HERC3: variants seen among roughly 807,000 people sequenced by gnomAD.
HERC3 encodes probable E3 ubiquitin-protein ligase HERC3.
In HERC3, 58 loss-of-function variants were observed where a neutral mutation model predicts 129.9. The observed-to-expected ratio is 0.45, with a 90% CI of 0.36 to 0.56. The LOEUF (loss-of-function observed/expected upper bound fraction) is 0.56, where lower values mean the gene tolerates loss of function less well. Ranked by LOEUF, HERC3 falls within the 20% of genes least tolerant of loss-of-function variation. The probability of loss-of-function intolerance (pLI) is 0.00; values close to 1 mark genes in which losing one functional copy is unlikely to be tolerated. For missense variants in HERC3, 835 were observed against 1,244.2 expected (o/e 0.67, Z 4.95); for synonymous variants, 430 against 451.0 (o/e 0.95, Z 0.59).
the HERC3 span, among the ~76,000 whole-genome samples, chr4:88,556,124 T>G: frequency 1.7e-4 from 26 of 152,310 alleles, no homozygotes; most frequent in Middle Eastern, 3.4e-3. Context: ...ACATGATACA[T>G]AAAATCATCC....
intron 3 of HERC3, among the ~76,000 whole-genome samples, chr4:88,612,399 C>T (rs1309956393): frequency 6.6e-6 from 1 of 151,750 alleles, no homozygotes; most frequent in East Asian, 1.9e-4. Flanking sequence ...GATATTTTCC[C>T]AGTGTGTCAG....
At chr4:88,545,333 G>A in the HERC3 span, among the ~76,000 whole-genome samples, 1 of 151,274 alleles carries the variant, frequency 6.6e-6, no homozygotes, top group Non-Finnish European at 1.5e-5. Context: ...AACTTTACAA[G>A]GACTTAAAGG....
chr4:88,703,367 C>T (rs1327880570), intron 23 of HERC3, among the ~76,000 whole-genome samples: 1 of 152,188 alleles, frequency 6.6e-6, no homozygotes, highest in Non-Finnish European at 1.5e-5. Context: ...AGCCTTTGCT[C>T]TTCTCATTTG....
At chr4:88,676,548 G>T (rs373001164) in intron 18 of HERC3, 125 bp downstream of exon 18, 21 of 693,302 alleles carry the variant, frequency 3.0e-5, no homozygotes, top group East Asian at 2.4e-4. Context: ...TCTTAAAACT[G>T]TTTGAAACTT....
the HERC3 span, among the ~76,000 whole-genome samples, chr4:88,576,409 C>G: frequency 6.6e-6 from 1 of 152,150 alleles, no homozygotes; most frequent in East Asian, 1.9e-4. Context: ...CTCCTGCCAC[C>G]CCTTCTGCCC....
chr4:88,638,122 C>A (rs977360888), intron 3 of HERC3, among the ~76,000 whole-genome samples: 12 of 152,108 alleles, frequency 7.9e-5, no homozygotes, highest in Admixed American at 3.3e-4. Flanking sequence ...TAAACAAAGT[C>A]CAAGACCAGA....
chr4:88,616,126 A>G (rs915946177), intron 3 of HERC3, among the ~76,000 whole-genome samples: 3 of 152,154 alleles, frequency 2.0e-5, no homozygotes, highest in African/African-American at 7.2e-5. Flanking sequence ...GGGAGAGTTT[A>G]TATTATGTTC....
chr4:88,672,476 T>C (rs181551896), intron 16 of HERC3, among the ~76,000 whole-genome samples: 96 of 152,332 alleles, frequency 6.3e-4, no homozygotes, highest in African/African-American at 2.2e-3. Flanking sequence ...ATTTTAAATG[T>C]CTTGATATTT....
chr4:88,528,441 A>C, the HERC3 span, among the ~76,000 whole-genome samples: 1 of 152,164 alleles, frequency 6.6e-6, no homozygotes, highest in African/African-American at 2.4e-5. Context: ...TAGACATGAA[A>C]GGCCAAGAGA....
intron 23 of HERC3, among the ~76,000 whole-genome samples, chr4:88,694,953 G>A (rs911914277): frequency 6.6e-6 from 1 of 152,030 alleles, no homozygotes; most frequent in Admixed American, 6.6e-5. Flanking sequence ...TTGTTTTCCA[G>A]TTGATTCTCT....
intron 23 of HERC3, among the ~76,000 whole-genome samples, chr4:88,698,913 C>T (rs1734988776): frequency 7.1e-6 from 1 of 141,254 alleles, no homozygotes; most frequent in Non-Finnish European, 1.5e-5. Flanking sequence ...CCCTCTTCTT[C>T]CCCACCTTCC....
At chr4:88,547,478 G>A in the HERC3 span, among the ~76,000 whole-genome samples, 2 of 152,106 alleles carry the variant, frequency 1.3e-5, no homozygotes, top group African/African-American at 4.8e-5. Flanking sequence ...TCGCAGAAAG[G>A]GATTACATAC....
chr4:88,558,432 T>C, the HERC3 span, among the ~76,000 whole-genome samples: 3 of 152,128 alleles, frequency 2.0e-5, no homozygotes, highest in African/African-American at 7.2e-5. Flanking sequence ...TTCTCACTTA[T>C]AAGTGGGAGC....
chr4:88,609,765 CAA>C (rs930012039), intron 3 of HERC3, among the ~76,000 whole-genome samples: 8 of 152,048 alleles, frequency 5.3e-5, no homozygotes, highest in African/African-American at 1.9e-4. Context: ...TTGGCTCTCT[CAA>C]GAAAGAATTC....
At chr4:88,595,198 TAAAG>T (rs1189203030) in intron 1 of HERC3, among the ~76,000 whole-genome samples, 3 of 141,470 alleles carry the variant, frequency 2.1e-5, no homozygotes, top group African/African-American at 2.7e-5. Context: ...CATGGAAAAA[TAAAG>T]AAAATAGACA....
At chr4:88,615,817 A>G (rs1261284017) in intron 3 of HERC3, among the ~76,000 whole-genome samples, 3 of 152,138 alleles carry the variant, frequency 2.0e-5, no homozygotes, top group South Asian at 2.1e-4. Context: ...GCTGATCTCT[A>G]TTTCATTCCA....
At chr4:88,652,142 C>A in intron 5 of HERC3, 54 bp downstream of exon 5, 1 of 1,329,394 alleles carries the variant, frequency 7.5e-7, no homozygotes, top group South Asian at 1.2e-5. Flanking sequence ...AAACATTTCT[C>A]TTTGTCTTTT....
At position 88,623,618 on chromosome 4, in the gene HERC3, C is replaced by T. The variant is rs980156395; in HGVS notation, c.226+17569C>T. ...TCAAACCTGCATGTTTCTTTTATTA[C>T]ACTATTGTGATAAACGTTGACCATC... On this transcript the variant is annotated intron_variant, in intron 3 of 25. Transcript: ENST00000402738. 6.8e-4 allele frequency among the ~76,000 whole-genome samples: 104 copies of T among 152,176 alleles called. 6 individuals are homozygous for T. The highest frequency in any genetic ancestry group is 1.6e-4 in the Non-Finnish European group (11 of 68,048).
intron 3 of HERC3, among the ~76,000 whole-genome samples, chr4:88,613,092 G>T (rs1439010879): frequency 1.3e-5 from 2 of 152,094 alleles, no homozygotes; most frequent in African/African-American, 4.8e-5. Context: ...TGTTATTAGG[G>T]ATATCTGAAC....
Sources: gnomAD v4.1 joint callset for allele counts (sites outside exome capture counted in the v4.1 genomes callset) on GRCh38, gnomAD v4.1.1 for gene constraint, MANE v1.5 for transcripts, NCBI Gene and HGNC (gene_info 2026-07-23, HGNC 2026-07-21) for gene names.